Variants in CDH18 observed in about 807,000 individuals in gnomAD.
CDH18 encodes cadherin 18.
CDH18 carries 31 observed loss-of-function variants against 67.9 expected under a neutral mutation model. The observed-to-expected ratio is 0.46, with a 90% confidence interval of 0.34 to 0.62. The LOEUF is 0.62. CDH18 is among the 20% of genes least tolerant of loss of function. The pLI, the probability that CDH18 is intolerant of heterozygous loss-of-function variation, is 0.01. For synonymous variants in CDH18, 362 were observed against 347.2 expected (o/e 1.04, Z -0.48); for missense variants, 890 against 975.5 (o/e 0.91, Z 1.17).
At chr5:19,998,920 G>GA (rs1282567032) in intron 2 of CDH18, among the ~76,000 whole-genome samples, 2 of 151,708 alleles carry the variant, frequency 1.3e-5, no homozygotes, top group East Asian at 1.9e-4. Context: ...GGCAGTAAAT[G>GA]AAAAAAATAC....
intron 3 of CDH18, among the ~76,000 whole-genome samples, chr5:19,759,917 T>C (rs1193869702): frequency 6.6e-6 from 1 of 152,184 alleles, no homozygotes; most frequent in Non-Finnish European, 1.5e-5. Context: ...CATGATTCTA[T>C]TTTTATAATT....
chr5:20,414,082 G>A (rs1031216018), intron 1 of CDH18, among the ~76,000 whole-genome samples: 2 of 152,132 alleles, frequency 1.3e-5, no homozygotes, highest in Admixed American at 6.5e-5. Context: ...GAACACTTAT[G>A]TACTGTTACT....
At chr5:19,735,305 A>G (rs969463454) in intron 4 of CDH18, among the ~76,000 whole-genome samples, 9 of 152,110 alleles carry the variant, frequency 5.9e-5, no homozygotes, top group Admixed American at 2.0e-4. Context: ...CAGTCGCAAC[A>G]TAAGTGCTGC....
chr5:19,709,542 G>C (rs761960265), intron 5 of CDH18, among the ~76,000 whole-genome samples: 1 of 151,436 alleles, frequency 6.6e-6, no homozygotes, highest in Non-Finnish European at 1.5e-5. Context: ...ATTCCAGCCT[G>C]GGCAACAAGA....
At chr5:20,281,390 T>A (rs990438644) in intron 1 of CDH18, among the ~76,000 whole-genome samples, 16 of 152,118 alleles carry the variant, frequency 1.1e-4, no homozygotes, top group African/African-American at 3.9e-4. Flanking sequence ...TTGTGTAAGG[T>A]GTAAGGAAGG....
intron 1 of CDH18, among the ~76,000 whole-genome samples, chr5:20,507,978 C>T (rs1334532271): frequency 5.3e-5 from 8 of 151,900 alleles, no homozygotes; most frequent in African/African-American, 1.9e-4. Context: ...TTTTTACTTG[C>T]TATATGACAA....
intron 1 of CDH18, among the ~76,000 whole-genome samples, chr5:20,563,752 T>C (rs1181884418): frequency 2.6e-5 from 4 of 152,278 alleles, no homozygotes; most frequent in Non-Finnish European, 5.9e-5. Flanking sequence ...TACTAACTGA[T>C]ATGTTAGAGA....
intron 8 of CDH18, among the ~76,000 whole-genome samples, chr5:19,565,895 T>C (rs1740299058): frequency 6.6e-6 from 1 of 152,182 alleles, no homozygotes; most frequent in African/African-American, 2.4e-5. Flanking sequence ...AAAAAGCTTC[T>C]GCACATCAAA....
At chr5:20,024,290 T>C (rs1193252390) in intron 2 of CDH18, among the ~76,000 whole-genome samples, 5 of 152,212 alleles carry the variant, frequency 3.3e-5, no homozygotes, top group African/African-American at 1.2e-4. Context: ...TCTCAGCTCT[T>C]ATACCTGGAA....
At position 19,480,522 on chromosome 5, in the gene CDH18, C is replaced by T. The variant is rs547177280; in HGVS notation, c.1882+2779G>A. On this transcript the variant is annotated intron_variant, in intron 12 of 12. Transcript: ENST00000382275. Reference sequence around the variant, plus strand: ...CCTCCCGAGTAGCTGGGACTACAGGCGCCCGCCACCAAGCCCGACTAATTT... The same window carrying T: ...CCTCCCGAGTAGCTGGGACTACAGGTGCCCGCCACCAAGCCCGACTAATTT... 1.3e-3 allele frequency among the ~76,000 whole-genome samples: 203 copies of T among 151,688 alleles called. 1 individual carries two copies. The highest frequency in any genetic ancestry group is 2.4e-3 in the Non-Finnish European group (165 of 67,814).
chr5:19,995,883 T>C (rs1003111184), intron 2 of CDH18, among the ~76,000 whole-genome samples: 3 of 152,060 alleles, frequency 2.0e-5, no homozygotes, highest in African/African-American at 7.2e-5. Flanking sequence ...ACCTCCCATA[T>C]CTGCATTTAA....
chr5:20,313,408 T>C (rs1737172037), intron 1 of CDH18, among the ~76,000 whole-genome samples: 1 of 152,142 alleles, frequency 6.6e-6, no homozygotes, highest in Admixed American at 6.6e-5. Flanking sequence ...TTGATCTTCA[T>C]TTCTTTTCTG....
At chr5:20,095,300 AAAGAAAGAAAG>A (rs1745799655) in intron 2 of CDH18, among the ~76,000 whole-genome samples, 3 of 1,192 alleles carry the variant, frequency 2.5e-3, no homozygotes, top group Non-Finnish European at 3.4e-3. Flanking sequence ...ACTTAAAGTA[AAAGAAAGAAAG>A]AAAGAAAGAA....
intron 3 of CDH18, among the ~76,000 whole-genome samples, chr5:19,774,004 A>T (rs377295523): frequency 6.6e-6 from 1 of 152,140 alleles, no homozygotes; most frequent in Non-Finnish European, 1.5e-5. Flanking sequence ...ATTCTGAGGG[A>T]CTCTACTATT....
At chr5:19,943,710 C>T (rs1795042385) in intron 2 of CDH18, among the ~76,000 whole-genome samples, 1 of 151,916 alleles carries the variant, frequency 6.6e-6, no homozygotes, top group Admixed American at 6.6e-5. Context: ...CTCGAATATC[C>T]TGACACCTGA....
chr5:20,245,235 A>T (rs1166853384), intron 2 of CDH18, among the ~76,000 whole-genome samples: 1 of 152,148 alleles, frequency 6.6e-6, no homozygotes, highest in African/African-American at 2.4e-5. Flanking sequence ...GTTGAAAAAG[A>T]TGGCATTATA....
chr5:19,482,664 T>C (rs1479328561), intron 12 of CDH18, among the ~76,000 whole-genome samples: 1 of 152,168 alleles, frequency 6.6e-6, no homozygotes, highest in Non-Finnish European at 1.5e-5. Context: ...ATAATAGTTT[T>C]CACTATTATT....
intron 3 of CDH18, among the ~76,000 whole-genome samples, chr5:19,764,059 T>C (rs10805647): frequency 0.8 from 117,254 of 145,948 alleles, 52,075 homozygotes; most frequent in Non-Finnish European, 0.98. Context: ...TCCCAGCTAC[T>C]TGGGAGGCTG....
At chr5:20,569,387 C>T (rs1758683331) in intron 1 of CDH18, among the ~76,000 whole-genome samples, 1 of 152,162 alleles carries the variant, frequency 6.6e-6, no homozygotes, top group South Asian at 2.1e-4. Context: ...CTTTGGAAGG[C>T]CACGGCGGGC....
Sources: gnomAD v4.1 joint callset for allele counts (sites outside exome capture counted in the v4.1 genomes callset) on GRCh38, gnomAD v4.1.1 for gene constraint, MANE v1.5 for transcripts, NCBI Gene and HGNC (gene_info 2026-07-23, HGNC 2026-07-21) for gene names.